The following EYS variants were observed in gnomAD, a reference collection of about 807,000 sequenced individuals.
The protein encoded by EYS is protein eyes shut homolog.
EYS carries 250 observed loss-of-function variants against 282.1 expected under a neutral mutation model. That is an observed-to-expected ratio of 0.89 (90% confidence interval 0.80 to 0.98). The LOEUF is 0.98. EYS is among the 50% of genes least tolerant of loss of function. The probability of loss-of-function intolerance (pLI) is 0.00; values close to 1 mark genes in which losing one functional copy is unlikely to be tolerated. For missense variants in EYS, 4,016 were observed against 3,709.0 expected (o/e 1.08, Z -2.15); for synonymous variants, 1,355 against 1,282.9 (o/e 1.06, Z -1.20).
intron 9 of EYS, among the ~76,000 whole-genome samples, chr6:65,345,358 TAATTAA>T (rs2150320949): frequency 6.6e-6 from 1 of 151,842 alleles, no homozygotes; most frequent in East Asian, 2.0e-4. Context: ...ATTCTGAGAG[TAATTAA>T]CTCAAACAGG....
At chr6:64,983,660 G>A (rs1455784531) in intron 14 of EYS, among the ~76,000 whole-genome samples, 1 of 151,234 alleles carries the variant, frequency 6.6e-6, no homozygotes, top group Admixed American at 6.6e-5. Flanking sequence ...TGTTAATGGG[G>A]TTACTATGAA....
chr6:65,185,005 A>G (rs899615019), intron 12 of EYS, among the ~76,000 whole-genome samples: 3 of 150,998 alleles, frequency 2.0e-5, no homozygotes, highest in Non-Finnish European at 3.0e-5. Flanking sequence ...TGAAGTGGGA[A>G]ATTTTCATAC....
At chr6:65,527,882 A>G (rs1309696125) in intron 2 of EYS, among the ~76,000 whole-genome samples, 1 of 152,218 alleles carries the variant, frequency 6.6e-6, no homozygotes, top group Non-Finnish European at 1.5e-5. Context: ...GATAATCCAT[A>G]CAACATTGTC....
chr6:64,334,645 C>T (rs189593210), intron 29 of EYS, among the ~76,000 whole-genome samples: 113 of 152,250 alleles, frequency 7.4e-4, no homozygotes, highest in African/African-American at 2.6e-3. Context: ...CTTAGACTTG[C>T]TAGCCATACA....
intron 33 of EYS, among the ~76,000 whole-genome samples, chr6:64,004,507 T>A (rs1158314122): frequency 6.6e-6 from 1 of 152,074 alleles, no homozygotes; most frequent in Non-Finnish European, 1.5e-5. Flanking sequence ...TGTTGCAGTT[T>A]GTTATATAAG....
At chr6:64,533,717 A>G (rs1485278655) in intron 26 of EYS, among the ~76,000 whole-genome samples, 1 of 152,082 alleles carries the variant, frequency 6.6e-6, no homozygotes, top group Non-Finnish European at 1.5e-5. Flanking sequence ...GTAAAATTAT[A>G]TCAGACAAAA....
intron 31 of EYS, among the ~76,000 whole-genome samples, chr6:64,163,335 C>A (rs764705783): frequency 1.8e-4 from 28 of 152,016 alleles, no homozygotes; most frequent in Middle Eastern, 3.4e-3. Flanking sequence ...CTTTTTATGC[C>A]TTCTTAAAAA....
At chr6:64,431,806 T>A (rs1774584160) in intron 28 of EYS, among the ~76,000 whole-genome samples, 1 of 152,056 alleles carries the variant, frequency 6.6e-6, no homozygotes, top group African/African-American at 2.4e-5. Context: ...TTGATACCAG[T>A]ACTTAATTAA....
chr6:64,662,747 G>T (rs549242674), intron 22 of EYS, among the ~76,000 whole-genome samples: 1 of 152,204 alleles, frequency 6.6e-6, no homozygotes, highest in African/African-American at 2.4e-5. Context: ...TATTGAGATA[G>T]TTCCTACTCT....
chr6:64,735,123 G>A (rs974053220), intron 22 of EYS, among the ~76,000 whole-genome samples: 8 of 151,998 alleles, frequency 5.3e-5, no homozygotes, highest in East Asian at 1.9e-4. Flanking sequence ...ATGCTCTGTC[G>A]CCCAGGCTGT....
chr6:64,746,286 G>A (rs1562168139), intron 22 of EYS, among the ~76,000 whole-genome samples: 1 of 151,844 alleles, frequency 6.6e-6, no homozygotes, highest in South Asian at 2.1e-4. Context: ...CTATTGTCAA[G>A]GTTCATTATC....
intron 12 of EYS, among the ~76,000 whole-genome samples, chr6:65,210,698 T>C (rs547106177): frequency 2.0e-5 from 3 of 151,872 alleles, no homozygotes; most frequent in East Asian, 3.9e-4. Flanking sequence ...AAAAAGATAA[T>C]GGGGGTAAAT....
intron 8 of EYS, among the ~76,000 whole-genome samples, chr6:65,366,174 C>T (rs562687708): frequency 7.9e-5 from 12 of 151,728 alleles, no homozygotes; most frequent in South Asian, 6.2e-4. Flanking sequence ...GGCATTAGCA[C>T]GGGCTATTCC....
chr6:64,980,615 A>G (rs918067172), intron 14 of EYS, among the ~76,000 whole-genome samples: 1 of 151,370 alleles, frequency 6.6e-6, no homozygotes, highest in Admixed American at 6.6e-5. Context: ...TCTCCTTCAT[A>G]TTGAAGAATG....
At chr6:65,222,658 T>A (rs1766499820) in intron 12 of EYS, among the ~76,000 whole-genome samples, 1 of 152,226 alleles carries the variant, frequency 6.6e-6, no homozygotes, top group African/African-American at 2.4e-5. Flanking sequence ...ATGAAAGTTT[T>A]ACAAGGATGC....
intron 8 of EYS, among the ~76,000 whole-genome samples, chr6:65,380,092 C>T (rs1274343905): frequency 6.6e-6 from 1 of 152,054 alleles, no homozygotes; most frequent in Non-Finnish European, 1.5e-5. Flanking sequence ...CTTCCATCGA[C>T]TTTCTTCACA....
At chr6:64,968,472 C>A in intron 14 of EYS, among the ~76,000 whole-genome samples, 1 of 152,178 alleles carries the variant, frequency 6.6e-6, no homozygotes, top group East Asian at 1.9e-4. Flanking sequence ...TTTTTCTGAT[C>A]TAAAACCTTT....
chr6:64,622,604 G>T (rs552924566), intron 23 of EYS, among the ~76,000 whole-genome samples: 1 of 152,238 alleles, frequency 6.6e-6, no homozygotes, highest in South Asian at 2.1e-4. Context: ...TGGCATAGAG[G>T]TGGAGTTACC....
chr6:63,918,691 T>G (rs1764487867), intron 35 of EYS, among the ~76,000 whole-genome samples: 1 of 152,200 alleles, frequency 6.6e-6, no homozygotes, highest in Admixed American at 6.5e-5. Context: ...CCAGCAGCAC[T>G]CACCTCACTT....
Sources: allele counts gnomAD v4.1 joint callset (sites outside exome capture counted in the v4.1 genomes callset), GRCh38; gene constraint gnomAD v4.1.1; transcripts MANE v1.5; gene names NCBI Gene and HGNC (gene_info 2026-07-23, HGNC 2026-07-21).